The following MPRIP variants were observed in gnomAD, a reference collection of about 807,000 sequenced individuals.
The protein encoded by MPRIP is myosin phosphatase Rho-interacting protein.
Under a neutral mutation model 234.9 loss-of-function variants are expected in MPRIP, and 59 were observed. That is an observed-to-expected ratio of 0.25 (90% confidence interval 0.20 to 0.31). The LOEUF (loss-of-function observed/expected upper bound fraction) is 0.31. Ranked by LOEUF, MPRIP falls within the 10% of genes least tolerant of loss-of-function variation. MPRIP has a pLI of 1.00. For missense variants in MPRIP, 2,436 were observed against 3,071.0 expected (o/e 0.79, Z 4.89); for synonymous variants, 1,144 against 1,263.9 (o/e 0.91, Z 2.01).
At chr17:17,075,452 A>G (rs1368354553) in intron 1 of MPRIP, among the ~76,000 whole-genome samples, 1 of 152,004 alleles carries the variant, frequency 6.6e-6, no homozygotes, top group Non-Finnish European at 1.5e-5. Flanking sequence ...AGGAGACAGC[A>G]TGTCTTAGGG....
chr17:17,060,729 C>T (rs1005709311), intron 1 of MPRIP, among the ~76,000 whole-genome samples: 8 of 152,178 alleles, frequency 5.3e-5, no homozygotes, highest in Admixed American at 4.6e-4. Context: ...GGCTTCCTCC[C>T]GGGACAGGGC....
intron 17 of MPRIP, among the ~76,000 whole-genome samples, chr17:17,172,289 C>G (rs1362447555): frequency 6.6e-6 from 1 of 152,262 alleles, no homozygotes; most frequent in Non-Finnish European, 1.5e-5. Flanking sequence ...CAAGCACGTC[C>G]CCTCCGCCTT....
chr17:17,122,957 A>T (rs2058082688), intron 3 of MPRIP, among the ~76,000 whole-genome samples: 1 of 152,262 alleles, frequency 6.6e-6, no homozygotes, highest in Non-Finnish European at 1.5e-5. Flanking sequence ...CAAAAAATGG[A>T]AACAGTCCAA....
At chr17:17,069,784 C>G (rs2089150430) in intron 1 of MPRIP, among the ~76,000 whole-genome samples, 1 of 152,142 alleles carries the variant, frequency 6.6e-6, no homozygotes, top group Non-Finnish European at 1.5e-5. Flanking sequence ...AGTCACGAAA[C>G]AGAAAACTCA....
chr17:17,077,884 C>G (rs1362376684), intron 2 of MPRIP, 127 bp from the exon 3 acceptor site: 1 of 885,858 alleles, frequency 1.1e-6, no homozygotes, highest in African/African-American at 1.6e-5. Context: ...TGCCACCTGC[C>G]CCAGAAGTGG....
chr17:17,134,151 C>G (rs1227491383), intron 5 of MPRIP, among the ~76,000 whole-genome samples: 2 of 152,246 alleles, frequency 1.3e-5, no homozygotes, highest in Non-Finnish European at 2.9e-5. Flanking sequence ...TACTGTCACC[C>G]CCACTCCAAG....
At chr17:17,124,919 G>A (rs1408775487) in intron 3 of MPRIP, among the ~76,000 whole-genome samples, 2 of 152,172 alleles carry the variant, frequency 1.3e-5, no homozygotes, top group Non-Finnish European at 2.9e-5. Flanking sequence ...CCCCCACCTT[G>A]GGCAGGAAGG....
intron 12 of MPRIP, among the ~76,000 whole-genome samples, chr17:17,151,281 A>G (rs186038202): frequency 1.1e-4 from 16 of 152,292 alleles, no homozygotes; most frequent in Non-Finnish European, 2.1e-4. Flanking sequence ...TGTCTTTACA[A>G]TGAGTTTTAT....
chr17:17,094,097 T>C (rs2089783965), intron 3 of MPRIP, among the ~76,000 whole-genome samples: 2 of 152,144 alleles, frequency 1.3e-5, no homozygotes, highest in African/African-American at 2.4e-5. Flanking sequence ...CCCACCTGTT[T>C]TTTTGTTTGT....
chr17:17,156,403 C>T (rs1443516130), intron 13 of MPRIP, among the ~76,000 whole-genome samples: 2 of 152,250 alleles, frequency 1.3e-5, no homozygotes, highest in Non-Finnish European at 2.9e-5. Context: ...AGTGCTCACC[C>T]TCCACCAGTT....
At chr17:17,156,867 C>G (rs1208774426) in intron 13 of MPRIP, among the ~76,000 whole-genome samples, 1 of 152,238 alleles carries the variant, frequency 6.6e-6, no homozygotes, top group Non-Finnish European at 1.5e-5. Context: ...AGCACTTTGC[C>G]TCTCACTCGA....
chr17:17,102,499 G>A (rs1018256404), intron 3 of MPRIP, among the ~76,000 whole-genome samples: 7 of 152,358 alleles, frequency 4.6e-5, no homozygotes, highest in South Asian at 4.1e-4. Flanking sequence ...GTCAGGGCAC[G>A]TGTGGAGTGT....
At chr17:17,175,848 A>G (rs1482426812) in intron 20 of MPRIP, among the ~76,000 whole-genome samples, 1 of 152,182 alleles carries the variant, frequency 6.6e-6, no homozygotes, top group East Asian at 1.9e-4. Flanking sequence ...TTTCACCCTA[A>G]AATGTGCTAA....
At chr17:17,156,328 ACCT>A (rs1279083454) in intron 13 of MPRIP, among the ~76,000 whole-genome samples, 4 of 152,206 alleles carry the variant, frequency 2.6e-5, no homozygotes, top group Admixed American at 2.6e-4. Context: ...ATGAAAGTTG[ACCT>A]GGCAGTTGGC....
chr17:17,158,710 G>A lies in MPRIP; in HGVS notation c.2108G>A (p.Arg703His), dbSNP rs780333102. 8.7e-6 allele frequency: 14 copies of A among 1,609,958 alleles called. No individual in the cohort carries two copies. The highest frequency in any genetic ancestry group is 5.0e-5 in the Admixed American group (3 of 59,950). The change falls in exon 14 of 24, where the codon CGT becomes CAT. Residue 703 changes from arginine (R) to histidine (H), a missense_variant. Transcript: ENST00000651222. ...EAEPGELERERARRREERRKR... is the reference protein window; with the variant it reads ...EAEPGELEREHARRREERRKR... Reference sequence around the variant, plus strand: ...GAGCCTGGGGAGCTGGAGCGGGAGCGTGCACGGAGGCGGGAGGAGCGCCGC... The same window carrying A: ...GAGCCTGGGGAGCTGGAGCGGGAGCATGCACGGAGGCGGGAGGAGCGCCGC...
intron 3 of MPRIP, among the ~76,000 whole-genome samples, chr17:17,080,587 T>A (rs1260972574): frequency 6.6e-6 from 1 of 152,118 alleles, no homozygotes; most frequent in Non-Finnish European, 1.5e-5. Context: ...TTGTCACACC[T>A]GGGGCAGGAA....
intron 1 of MPRIP, among the ~76,000 whole-genome samples, chr17:17,058,266 C>T (rs1321113523): frequency 6.6e-6 from 1 of 152,104 alleles, no homozygotes; most frequent in Non-Finnish European, 1.5e-5. Flanking sequence ...CAAGCAGGGA[C>T]CTGGGGAGAG....
chr17:17,135,226 C>T (rs1317699835), intron 5 of MPRIP, among the ~76,000 whole-genome samples: 1 of 152,240 alleles, frequency 6.6e-6, no homozygotes, highest in East Asian at 1.9e-4. Context: ...TTAGGGTTCT[C>T]TGCCCAGGGA....
intron 1 of MPRIP, among the ~76,000 whole-genome samples, chr17:17,063,251 A>G (rs1159160815): frequency 1.3e-5 from 2 of 152,206 alleles, no homozygotes; most frequent in Non-Finnish European, 2.9e-5. Context: ...GGGGTGACTA[A>G]TAAGTGTACC....
Sources: gnomAD v4.1 joint callset for allele counts (sites outside exome capture counted in the v4.1 genomes callset) on GRCh38, gnomAD v4.1.1 for gene constraint, MANE v1.5 for transcripts, NCBI Gene and HGNC (gene_info 2026-07-23, HGNC 2026-07-21) for gene names.